The following ALG14 variants were observed in gnomAD, a reference collection of about 807,000 sequenced individuals.
ALG14 encodes ALG14 UDP-N-acetylglucosaminyltransferase subunit, also known as UDP-N-acetylglucosamine transferase subunit ALG14.
In ALG14, 17 loss-of-function variants were observed where a neutral mutation model predicts 22.8. The ratio of observed to expected loss-of-function variants is 0.75; its 90% CI spans 0.51 to 1.12. The LOEUF (loss-of-function observed/expected upper bound fraction) is 1.12. Ranked by LOEUF, ALG14 falls within the 50% of genes most tolerant of loss-of-function variation. The pLI is 0.00. For missense variants in ALG14, 288 were observed against 271.8 expected (o/e 1.06, Z -0.42); for synonymous variants, 89 against 103.7 (o/e 0.86, Z 0.86).
intron 3 of ALG14, among the ~76,000 whole-genome samples, chr1:95,001,090 G>A (rs1673053430): frequency 6.6e-6 from 1 of 152,188 alleles, no homozygotes; most frequent in African/African-American, 2.4e-5. Flanking sequence ...CAATGCTTAA[G>A]GTTAGGGGGT....
At chr1:95,058,386 G>C (rs1675011041) in intron 2 of ALG14, among the ~76,000 whole-genome samples, 1 of 151,090 alleles carries the variant, frequency 6.6e-6, no homozygotes, top group South Asian at 2.1e-4. Context: ...GGCTGAGGAG[G>C]TGGGATCACT....
chr1:95,047,653 G>A (rs1394399235), intron 2 of ALG14, among the ~76,000 whole-genome samples: 6 of 152,000 alleles, frequency 3.9e-5, no homozygotes, highest in South Asian at 2.1e-4. Context: ...CTGTTTTTTT[G>A]CATATTTCTG....
chr1:95,030,770 C>A (rs550539220), intron 2 of ALG14, among the ~76,000 whole-genome samples: 17 of 152,152 alleles, frequency 1.1e-4, no homozygotes, highest in African/African-American at 3.9e-4. Flanking sequence ...TAGACCTGGA[C>A]GTGGAAGAAA....
chr1:95,056,681 A>G (rs1328206409), intron 2 of ALG14, among the ~76,000 whole-genome samples: 1 of 152,054 alleles, frequency 6.6e-6, no homozygotes, highest in East Asian at 1.9e-4. Flanking sequence ...TCTAGAAAAT[A>G]ACACTTGAGT....
intron 3 of ALG14, among the ~76,000 whole-genome samples, chr1:94,987,349 C>T (rs1672670292): frequency 6.6e-6 from 1 of 152,208 alleles, no homozygotes; most frequent in Non-Finnish European, 1.5e-5. Flanking sequence ...GTTCAACTCC[C>T]TGACTAGCCT....
intron 2 of ALG14, among the ~76,000 whole-genome samples, chr1:95,059,151 C>T (rs369981925): frequency 2.0e-5 from 3 of 151,874 alleles, no homozygotes; most frequent in Non-Finnish European, 4.4e-5. Context: ...GTAATCTCAG[C>T]GCTTTAAGAG....
intron 3 of ALG14, among the ~76,000 whole-genome samples, chr1:95,012,301 T>C (rs552121131): frequency 5.3e-5 from 8 of 152,378 alleles, no homozygotes; most frequent in African/African-American, 1.9e-4. Context: ...TCTCATTTCA[T>C]CATATGAACT....
rs149096451 is a variant in ALG14 at position 95,045,197 on chromosome 1, T to G, written c.289-17937A>C. On this transcript the variant is annotated intron_variant, in intron 2 of 3. Coordinates refer to ENST00000370205, the MANE Select transcript of ALG14 (RefSeq NM_144988.4). Reference sequence around the variant, plus strand: ...CTGAACTTGTATTACTTGATAGTCTTTTGTTGATTTTGTTTCTAGATATAA... The same window carrying G: ...CTGAACTTGTATTACTTGATAGTCTGTTGTTGATTTTGTTTCTAGATATAA... Among the ~76,000 whole-genome samples, 252 of 152,306 alleles carry G rather than the reference T, an allele frequency of 1.7e-3. 1 individual carries two copies. The East Asian group carries it at 0.027, about 16-fold the overall frequency.
intron 2 of ALG14, among the ~76,000 whole-genome samples, chr1:95,042,481 A>C (rs950131646): frequency 7.2e-5 from 11 of 152,172 alleles, no homozygotes; most frequent in Non-Finnish European, 1.3e-4. Context: ...ACCACCTATG[A>C]AGTCTTCACA....
At chr1:95,045,167 C>T (rs896031233) in intron 2 of ALG14, among the ~76,000 whole-genome samples, 7 of 152,118 alleles carry the variant, frequency 4.6e-5, no homozygotes, top group African/African-American at 1.7e-4. Context: ...GAATCTGATA[C>T]TTTTCTGAAC....
intron 1 of ALG14, among the ~76,000 whole-genome samples, chr1:95,067,924 C>T (rs1354993483): frequency 2.0e-5 from 3 of 152,240 alleles, no homozygotes; most frequent in Non-Finnish European, 2.9e-5. Context: ...ACTCAGTCTA[C>T]TCTAATCACT....
intron 1 of ALG14, among the ~76,000 whole-genome samples, chr1:95,068,129 G>A (rs1268554472): frequency 6.6e-6 from 1 of 152,188 alleles, no homozygotes; most frequent in Non-Finnish European, 1.5e-5. Context: ...TATGAGGGCA[G>A]GGATTTGTGT....
rs749023817 is a variant in ALG14 at position 95,072,901 on chromosome 1, A to C, written c.-3T>G. 22 of 1,613,846 alleles carry C rather than the reference A, an allele frequency of 1.4e-5. No individual in the cohort carries two copies. Among genetic ancestry groups the C allele is most frequent in the Non-Finnish European group, 1.8e-5 (21 of 1,179,988 alleles). On this transcript the variant is annotated 5_prime_UTR_variant, in exon 1 of 4. Transcript: ENST00000370205. Reference sequence around the variant, plus strand: ...GCTAGAACGAGAACGCACACCATGCAGAGAAACGGCGCATGCGTCCAACTT... The same window carrying C: ...GCTAGAACGAGAACGCACACCATGCCGAGAAACGGCGCATGCGTCCAACTT...
intron 2 of ALG14, among the ~76,000 whole-genome samples, chr1:95,060,924 T>C (rs1319975282): frequency 1.3e-5 from 2 of 152,192 alleles, no homozygotes; most frequent in Non-Finnish European, 2.9e-5. Context: ...CAAGTTAAGA[T>C]GAGGTCCTTC....
chr1:95,029,332 G>A (rs893044668), intron 2 of ALG14, among the ~76,000 whole-genome samples: 1 of 152,174 alleles, frequency 6.6e-6, no homozygotes, highest in Non-Finnish European at 1.5e-5. Context: ...AAAAGTAAGT[G>A]CTCCAAGAAG....
intron 2 of ALG14, among the ~76,000 whole-genome samples, chr1:95,032,320 A>G (rs1375475268): frequency 1.3e-5 from 2 of 152,190 alleles, no homozygotes; most frequent in Non-Finnish European, 2.9e-5. Context: ...TGTATACTTA[A>G]AGCCTTATTT....
intron 3 of ALG14, among the ~76,000 whole-genome samples, chr1:95,021,021 G>A (rs1037748848): frequency 1.3e-5 from 2 of 152,144 alleles, no homozygotes; most frequent in African/African-American, 4.8e-5. Flanking sequence ...ATGGTGCTTT[G>A]ATAAAGAGAA....
chr1:95,002,099 C>T (rs1431922940), intron 3 of ALG14, among the ~76,000 whole-genome samples: 2 of 152,184 alleles, frequency 1.3e-5, no homozygotes, highest in Non-Finnish European at 2.9e-5. Flanking sequence ...TTGTTGCAGG[C>T]ACAAAGTACC....
chr1:95,030,685 C>T (rs576544992), intron 2 of ALG14, among the ~76,000 whole-genome samples: 1 of 152,282 alleles, frequency 6.6e-6, no homozygotes, highest in South Asian at 2.1e-4. Flanking sequence ...CTGATTACAC[C>T]TTGGCTCCAA....
Sources: allele counts gnomAD v4.1 joint callset (sites outside exome capture counted in the v4.1 genomes callset), GRCh38; gene constraint gnomAD v4.1.1; transcripts MANE v1.5; gene names NCBI Gene and HGNC (gene_info 2026-07-23, HGNC 2026-07-21).